Variants in MICALL2 observed in about 807,000 individuals in gnomAD.
The protein encoded by MICALL2 is MICAL like 2, also known as MICAL-like protein 2.
Under a neutral mutation model 91.1 loss-of-function variants are expected in MICALL2, and 111 were observed. The ratio of observed to expected loss-of-function variants is 1.22; its 90% CI spans 1.04 to 1.43. MICALL2 has a LOEUF of 1.43. Among genes scored for constraint, MICALL2 ranks in the 40% most tolerant of loss-of-function variants. The pLI is 0.00. For synonymous variants in MICALL2, 694 were observed against 525.3 expected (o/e 1.32, Z -4.39); for missense variants, 1,556 against 1,236.0 (o/e 1.26, Z -3.88).
At chr7:1,436,218 C>T (rs1402472660) in intron 15 of MICALL2, among the ~76,000 whole-genome samples, 2 of 151,742 alleles carry the variant, frequency 1.3e-5, no homozygotes, top group East Asian at 1.9e-4. Context: ...GGTGAAACCC[C>T]GTCTCTACCA....
intron 16 of MICALL2, 73 bp downstream of exon 16, chr7:1,435,020 CCCAGCCAG>C (rs1236853291): frequency 6.7e-5 from 82 of 1,225,320 alleles, no homozygotes; most frequent in South Asian, 3.0e-4. Context: ...GCCCGGTCCA[CCCAGCCAG>C]CCAGCCCAGC....
chr7:1,445,214 C>T lies in MICALL2; in HGVS notation c.856G>A (p.Ala286Thr), dbSNP rs774549626. The T allele has an allele frequency of 6.2e-7, 1 of 1,605,124 alleles. No individual in the cohort carries two copies. Among genetic ancestry groups the T allele is most frequent in the Non-Finnish European group, 8.5e-7 (1 of 1,176,602 alleles). Residue 286 changes from alanine to threonine, a missense_variant, in exon 6 of 17, where the codon GCC becomes ACC. Ala to Thr is a moderately conservative substitution (Grantham distance 58, BLOSUM62 0). Coordinates refer to ENST00000297508, the MANE Select transcript of MICALL2 (RefSeq NM_182924.4). ...AQEANKARPSAWEPAAGNSPA... is the reference protein window; with the variant it reads ...AQEANKARPSTWEPAAGNSPA... Reference sequence around the variant, plus strand: ...GAGTTGCCCGCAGCAGGCTCCCAGGCCGACGGTCTGGCCTTGTTTGCCTCC... The same window carrying T: ...GAGTTGCCCGCAGCAGGCTCCCAGGTCGACGGTCTGGCCTTGTTTGCCTCC...
intron 14 of MICALL2, 29 bp from the exon 15 acceptor site, chr7:1,436,885 C>A (rs1163722789): frequency 2.7e-6 from 4 of 1,462,932 alleles, no homozygotes; most frequent in African/African-American, 1.4e-5. Context: ...AGCAGGAGCC[C>A]CCCCCACCAC....
intron 15 of MICALL2, among the ~76,000 whole-genome samples, chr7:1,435,476 C>CACCGGTG (rs1779923838): frequency 1.3e-5 from 2 of 151,130 alleles, no homozygotes; most frequent in Non-Finnish European, 2.9e-5. Flanking sequence ...GGGCCGACCA[C>CACCGGTG]ACCGGTGACC....
chr7:1,455,917 A>G (rs1191153322), intron 1 of MICALL2, among the ~76,000 whole-genome samples: 1 of 151,818 alleles, frequency 6.6e-6, no homozygotes, highest in Non-Finnish European at 1.5e-5. Context: ...ACAGAGTCTG[A>G]CCTCAGAGCT....
intron 1 of MICALL2, among the ~76,000 whole-genome samples, chr7:1,454,515 C>A (rs1282386225): frequency 6.6e-6 from 1 of 152,196 alleles, no homozygotes; most frequent in Non-Finnish European, 1.5e-5. Flanking sequence ...CCACCTTGCA[C>A]ACTGGGCCTC....
At position 1,435,165 on chromosome 7, in the gene MICALL2, G is replaced by A. The variant is rs776178454; in HGVS notation, c.2592-18C>T. 2.3e-5 allele frequency: 37 copies of A among 1,613,038 alleles called. No homozygotes were observed. Among genetic ancestry groups the A allele is most frequent in the Middle Eastern group, 1.6e-4 (1 of 6,082 alleles). On this transcript the variant is annotated intron_variant, in intron 15 of 16. Transcript: ENST00000297508. ...CTTGTTCCCTGAAACGGGACCAGATGGCCATGAGCGACAATGGCAATGGCA... is the reference window on the plus strand; with the variant it reads ...CTTGTTCCCTGAAACGGGACCAGATAGCCATGAGCGACAATGGCAATGGCA...
At chr7:1,450,395 G>T (rs773879820) in intron 1 of MICALL2, 107 bp from the exon 2 acceptor site, 2 of 908,752 alleles carry the variant, frequency 2.2e-6, no homozygotes, top group African/African-American at 1.6e-5. Context: ...AGGCCAGGAT[G>T]GGGGGCTGTG....
chr7:1,447,668 G>C lies in MICALL2; in HGVS notation c.432C>G (p.Pro144=), dbSNP rs138890843. 24 of 1,587,640 alleles carry C rather than the reference G, an allele frequency of 1.5e-5. No homozygotes were observed. In the African/African-American group the frequency reaches 3.2e-4, roughly 21 times the overall value. Reference sequence around the variant, plus strand: ...ATAGTGGAGGCTTCCGGGCTGGGGCGGGCGAGGGCAGCTTGGCCGCCTGGA... The same window carrying C: ...ATAGTGGAGGCTTCCGGGCTGGGGCCGGCGAGGGCAGCTTGGCCGCCTGGA... The part of the protein sequence containing the change: ...APVQAAKLPS[P]APARKPPLSP... Residue 144 remains proline (P), a synonymous_variant, in exon 4 of 17, where the codon CCC becomes CCG. Transcript: ENST00000297508.
intron 1 of MICALL2, among the ~76,000 whole-genome samples, chr7:1,455,858 G>A (rs1418977491): frequency 6.6e-6 from 1 of 152,018 alleles, no homozygotes; most frequent in Non-Finnish European, 1.5e-5. Context: ...CTGTCAAGGG[G>A]TCTTCACTGG....
Position 1,438,998 on chromosome 7 carries a change from GCC to G in MICALL2, c.1967-5_1967-4del. Reference sequence around the variant, plus strand: ...GCGGGGTGGGGAGGGGGACCTGGCTGCCCCCAGGTGGGGAGACAGAGCCACGC... The same window carrying G: ...GCGGGGTGGGGAGGGGGACCTGGCTGCCCAGGTGGGGAGACAGAGCCACGC... On this transcript the variant is annotated splice_region_variant and splice_polypyrimidine_tract_variant and intron_variant, in intron 9 of 16. Coordinates refer to ENST00000297508, the MANE Select transcript of MICALL2 (RefSeq NM_182924.4). 1 of 1,589,762 alleles carries G rather than the reference GCC, an allele frequency of 6.3e-7. No individual in the cohort carries two copies.
At chr7:1,442,866 C>G (rs1346624806) in intron 6 of MICALL2, among the ~76,000 whole-genome samples, 1 of 152,130 alleles carries the variant, frequency 6.6e-6, no homozygotes, top group Admixed American at 6.5e-5. Flanking sequence ...GCTGGAGGCA[C>G]CTGGGGCTTT....
intron 9 of MICALL2, chr7:1,439,272 G>A (rs534454716): frequency 1.7e-4 from 80 of 465,262 alleles, no homozygotes; most frequent in African/African-American, 1.2e-3. Flanking sequence ...AGCTATGAGT[G>A]CTAGGAATAC....
At chr7:1,438,007 G>A (rs1425976313) in intron 12 of MICALL2, 27 bp from the exon 13 acceptor site, 1 of 1,550,900 alleles carries the variant, frequency 6.4e-7, no homozygotes, top group East Asian at 2.4e-5. Context: ...GCTGGGGCAG[G>A]GGGGCCCGCC....
chr7:1,436,008 CG>C (rs201375299), intron 15 of MICALL2, among the ~76,000 whole-genome samples: 40,062 of 150,860 alleles, frequency 0.27, 7,077 homozygotes, highest in African/African-American at 0.51. Flanking sequence ...GCCGAGATTG[CG>C]GCCACTGCAC....
chr7:1,438,011 G>C, intron 12 of MICALL2, 31 bp from the exon 13 acceptor site: 1 of 1,550,136 alleles, frequency 6.5e-7, no homozygotes, highest in Admixed American at 2.0e-5. Flanking sequence ...GGGCAGGGGG[G>C]CCCGCCAGAG....
chr7:1,457,971 C>T (rs993076406), intron 1 of MICALL2, among the ~76,000 whole-genome samples: 3 of 152,278 alleles, frequency 2.0e-5, no homozygotes, highest in African/African-American at 4.8e-5. Context: ...TGTGGAAGCA[C>T]GCACCTTGTG....
chr7:1,448,623 G>A lies in MICALL2; in HGVS notation c.331C>T (p.Pro111Ser). ...GGCGGGCGCGGCAGGGACTCACTGGGGGAGCGGCCGTGGAAGTAGTTGTAA... is the reference window on the plus strand; with the variant it reads ...GGCGGGCGCGGCAGGGACTCACTGGAGGAGCGGCCGTGGAAGTAGTTGTAA... ...QYYNYFHGRS[P>S]IGGMAGVKRA... is the part of the protein sequence containing the mutation. Residue 111 changes from proline (P) to serine (S), a missense_variant, in exon 3 of 17, where the codon CCC becomes TCC. Physicochemically the swap from Pro to Ser is moderately conservative, Grantham distance 74. Coordinates refer to ENST00000297508, the MANE Select transcript of MICALL2 (RefSeq NM_182924.4). The A allele has an allele frequency of 1.9e-6, 3 of 1,612,636 alleles. No homozygotes were observed. Among genetic ancestry groups the A allele is most frequent in the Non-Finnish European group, 1.7e-6 (2 of 1,179,864 alleles).
chr7:1,444,629 T>C, intron 6 of MICALL2, 23 bp downstream of exon 6: 4 of 1,597,402 alleles, frequency 2.5e-6, no homozygotes, highest in Non-Finnish European at 3.4e-6. Flanking sequence ...ATACCCGGGG[T>C]CCCTCGGTCC....
Sources: gnomAD v4.1 joint callset for allele counts (sites outside exome capture counted in the v4.1 genomes callset) on GRCh38, gnomAD v4.1.1 for gene constraint, MANE v1.5 for transcripts, NCBI Gene and HGNC (gene_info 2026-07-23, HGNC 2026-07-21) for gene names.